The following HNMT variants were observed in gnomAD, a reference collection of about 807,000 sequenced individuals.
HNMT encodes the protein histamine N-methyltransferase.
A neutral mutation model predicts 32.1 loss-of-function variants in HNMT; 30 were observed. The observed-to-expected ratio is 0.93, with a 90% CI of 0.70 to 1.27. The LOEUF (loss-of-function observed/expected upper bound fraction) is 1.27. Among genes scored for constraint, HNMT ranks in the 50% most tolerant of loss-of-function variants. HNMT has a pLI of 0.00. For synonymous variants in HNMT, 125 were observed against 119.0 expected, an observed-to-expected ratio of 1.05 and a Z score of -0.33; for missense variants, 327 against 346.0, an observed-to-expected ratio of 0.95 and a Z score of 0.43.
intron 5 of HNMT, 57 bp from the exon 6 acceptor site, chr2:138,013,718 C>T (rs1681578209): frequency 7.4e-7 from 1 of 1,349,480 alleles, no homozygotes; most frequent in South Asian, 1.3e-5. Context: ...TACTTTCTGG[C>T]AGACTGCAAA....
chr2:137,969,990 T>C (rs569838371), intron 1 of HNMT, among the ~76,000 whole-genome samples, 175 bp from the exon 2 acceptor site: 1 of 152,304 alleles, frequency 6.6e-6, no homozygotes, highest in East Asian at 1.9e-4. Flanking sequence ...ATAAAACCTA[T>C]ATTTTGAAAT....
chr2:138,000,789 G>T lies in HNMT; in HGVS notation c.191-129G>T, dbSNP rs543512537. The T allele has an allele frequency of 9.8e-6, 5 of 510,984 alleles. No individual in the cohort carries two copies. In the African/African-American group the frequency reaches 9.9e-5, roughly 10 times the overall value. 31.7% of individuals were successfully genotyped at this position (510,984 alleles called of 1,614,324 possible). A position where few individuals can be genotyped will look rare whatever the true frequency, so the allele number is the denominator to read the frequency against. ...TGCCCTGCATCATGGCAGGGCAGCA[G>T]TTGAACATTATTCTTTATTTATGTT... is the stretch of plus-strand genomic sequence containing the variant. On this transcript the variant is annotated intron_variant, in intron 2 of 5. Coordinates refer to ENST00000280097, the MANE Select transcript of HNMT (RefSeq NM_006895.3).
At chr2:138,003,346 T>G (rs1034615006) in intron 4 of HNMT, among the ~76,000 whole-genome samples, 1 of 152,062 alleles carries the variant, frequency 6.6e-6, no homozygotes, top group Non-Finnish European at 1.5e-5. Context: ...GTTTTGGAAG[T>G]TGGTTACCAA....
At chr2:137,985,145 A>G (rs976399043) in intron 2 of HNMT, among the ~76,000 whole-genome samples, 2 of 152,070 alleles carry the variant, frequency 1.3e-5, no homozygotes, top group African/African-American at 4.8e-5. Flanking sequence ...CTATCTGCCT[A>G]AAACGTGCAT....
intron 1 of HNMT, chr2:137,967,687 A>T (rs1331424947): frequency 6.6e-6 from 1 of 152,196 alleles, no homozygotes; most frequent in East Asian, 1.9e-4. Flanking sequence ...ACTTTTATTC[A>T]TCAAATACTT....
intron 2 of HNMT, among the ~76,000 whole-genome samples, chr2:137,993,215 A>G (rs779433663): frequency 6.6e-6 from 1 of 152,164 alleles, no homozygotes; most frequent in Non-Finnish European, 1.5e-5. Flanking sequence ...GGACAAATTG[A>G]CAGAAGTAGG....
chr2:137,980,681 TG>T (rs1680466265), intron 2 of HNMT, among the ~76,000 whole-genome samples: 1 of 152,196 alleles, frequency 6.6e-6, no homozygotes, highest in South Asian at 2.1e-4. Context: ...GTAGATTTCC[TG>T]GGCCAAGAAC....
At chr2:137,976,325 C>G (rs1398015222) in intron 2 of HNMT, among the ~76,000 whole-genome samples, 2 of 150,984 alleles carry the variant, frequency 1.3e-5, no homozygotes, top group Non-Finnish European at 2.9e-5. Flanking sequence ...ACTTCCACTC[C>G]TTGGGAGATA....
chr2:137,981,070 A>G (rs1214115967), intron 2 of HNMT: 2 of 1,057,598 alleles, frequency 1.9e-6, no homozygotes, highest in African/African-American at 1.6e-5. Context: ...AAAAATGATA[A>G]TAATCTTAAT....
intron 5 of HNMT, among the ~76,000 whole-genome samples, chr2:138,010,298 A>G (rs762318994): frequency 1.3e-5 from 2 of 149,974 alleles, no homozygotes; most frequent in Non-Finnish European, 3.0e-5. Flanking sequence ...CAGAACTACA[A>G]TAAGCTCTGA....
rs549276856 is a variant in HNMT, at chr2:137,989,447, A to G, written c.191-11471A>G. 4.6e-5 allele frequency among the ~76,000 whole-genome samples: 7 copies of G among 152,320 alleles called. No individual in the cohort carries two copies. The East Asian group carries it at 1.3e-3, about 29-fold the overall frequency. On this transcript the variant is annotated intron_variant, in intron 2 of 5. Transcript: ENST00000280097. ...TACTGAATGATATTCTATTGTCTGC[A>G]TGTACCACAGATTCTTTGTTTGTTT...
chr2:138,002,267 A>C (rs912164072), intron 4 of HNMT, 73 bp downstream of exon 4: 1 of 1,122,088 alleles, frequency 8.9e-7, no homozygotes, highest in African/African-American at 1.6e-5. Flanking sequence ...AATATCTACT[A>C]TTCTAATTTT....
intron 2 of HNMT, among the ~76,000 whole-genome samples, chr2:137,983,995 G>A (rs996740926): frequency 9.2e-5 from 14 of 152,102 alleles, no homozygotes; most frequent in African/African-American, 3.4e-4. Context: ...ACTCTTTCTT[G>A]CATTGTCATG....
At chr2:138,007,139 A>G (rs775385352) in intron 5 of HNMT, among the ~76,000 whole-genome samples, 2 of 151,942 alleles carry the variant, frequency 1.3e-5, no homozygotes, top group African/African-American at 2.4e-5. Flanking sequence ...TTACCATATC[A>G]CTTCTTCTGA....
At chr2:137,974,562 A>G (rs1382844437) in intron 2 of HNMT, among the ~76,000 whole-genome samples, 1 of 152,154 alleles carries the variant, frequency 6.6e-6, no homozygotes, top group Non-Finnish European at 1.5e-5. Context: ...GAAAGCAGTC[A>G]CGGCCAATGT....
intron 5 of HNMT, among the ~76,000 whole-genome samples, chr2:138,007,934 A>G (rs916853007): frequency 7.9e-5 from 12 of 151,824 alleles, no homozygotes; most frequent in African/African-American, 1.7e-4. Context: ...GTCTTCCCTC[A>G]TATCCTCTTA....
chr2:138,006,227 C>T (rs1181524476), intron 5 of HNMT, among the ~76,000 whole-genome samples: 3 of 151,938 alleles, frequency 2.0e-5, no homozygotes, highest in Non-Finnish European at 4.4e-5. Context: ...AAACTGGACT[C>T]ATCCTACTAA....
At chr2:138,002,689 T>C in intron 4 of HNMT, 1 of 469,368 alleles carries the variant, frequency 2.1e-6, no homozygotes, top group Non-Finnish European at 2.8e-6. Flanking sequence ...TCAAGTGATC[T>C]TCCCTCTTCA....
chr2:137,981,427 CCTA>C lies in HNMT; in HGVS notation c.190+11214_190+11216del, dbSNP rs148423024. The C allele has an allele frequency of 3.1e-3, 4,544 of 1,474,962 alleles. 115 individuals are homozygous for C. In the African/African-American group the frequency reaches 0.057, roughly 18 times the overall value. 91.4% of individuals were successfully genotyped at this position (1,474,962 alleles called of 1,614,324 possible). ...TTTAAGTGTCATCTTTTCCATGAAG[CCTA>C]CTAGATCACACAGTTGAAAATTGCA... On this transcript the variant is annotated intron_variant, in intron 2 of 5. Transcript: ENST00000280097.
Sources: allele counts gnomAD v4.1 joint callset (sites outside exome capture counted in the v4.1 genomes callset), GRCh38; gene constraint gnomAD v4.1.1; transcripts MANE v1.5; gene names NCBI Gene and HGNC (gene_info 2026-07-23, HGNC 2026-07-21).